The following FAM20B variants were observed in gnomAD, a reference collection of about 807,000 sequenced individuals.
The protein encoded by FAM20B is glycosaminoglycan xylosylkinase.
Under a neutral mutation model 43.8 loss-of-function variants are expected in FAM20B, and 23 were observed. The ratio of observed to expected loss-of-function variants is 0.53; its 90% CI spans 0.38 to 0.74. FAM20B has a LOEUF of 0.74. Among genes scored for constraint, FAM20B ranks in the 30% least tolerant of loss-of-function variants. The pLI is 0.00. For synonymous variants in FAM20B, 178 were observed against 192.4 expected (o/e 0.93, Z 0.62); for missense variants, 440 against 510.5 (o/e 0.86, Z 1.33).
At chr1:179,049,829 A>G (rs887903149) in intron 2 of FAM20B, among the ~76,000 whole-genome samples, 1 of 152,252 alleles carries the variant, frequency 6.6e-6, no homozygotes, top group Non-Finnish European at 1.5e-5. Context: ...GGTGTGAGCC[A>G]CCGTGCCTGG....
chr1:179,069,527 C>T (rs1199506547), intron 7 of FAM20B, among the ~76,000 whole-genome samples: 4 of 152,008 alleles, frequency 2.6e-5, no homozygotes, highest in Non-Finnish European at 4.4e-5. Context: ...CCTGCCACCA[C>T]GCCCAGCTAA....
At chr1:179,035,371 C>G in intron 1 of FAM20B, 1 of 702,450 alleles carries the variant, frequency 1.4e-6, no homozygotes, top group Non-Finnish European at 2.6e-6. Flanking sequence ...TAGGGGTGTT[C>G]GGTCCTCGTG....
In FAM20B at chr1:179,072,192, C is replaced by G; in HGVS notation, c.*48C>G. The G allele has an allele frequency of 7.1e-7, 1 of 1,415,328 alleles. No homozygotes were observed. Among genetic ancestry groups the G allele is most frequent in the Non-Finnish European group, 9.8e-7 (1 of 1,019,726 alleles). The allele number at this position is 1,415,328 out of a possible 1,614,324, so 87.7% of individuals were successfully genotyped here. Reference sequence around the variant, plus strand: ...ACTTCTTTTTACAAAGATAGAGAAACAGCACAATCAATTCCAAATGGTATG... The same window carrying G: ...ACTTCTTTTTACAAAGATAGAGAAAGAGCACAATCAATTCCAAATGGTATG... On this transcript the variant is annotated 3_prime_UTR_variant, in exon 8 of 8. Coordinates refer to ENST00000263733, the MANE Select transcript of FAM20B (RefSeq NM_014864.4).
chr1:179,046,693 C>T (rs1479560121), intron 2 of FAM20B, among the ~76,000 whole-genome samples: 1 of 150,830 alleles, frequency 6.6e-6, no homozygotes, highest in African/African-American at 2.4e-5. Context: ...GAGTTGTGAG[C>T]ATTTTGTGTT....
At position 179,043,727 on chromosome 1, in the gene FAM20B, G is replaced by C; in HGVS notation, c.-121G>C. On this transcript the variant is annotated 5_prime_UTR_variant, in exon 2 of 8. Coordinates refer to ENST00000263733, the MANE Select transcript of FAM20B (RefSeq NM_014864.4). The stretch of plus-strand genomic sequence containing the variant: ...CTTGGGCTTGCAGGAACTGTGGAAG[G>C]TGCATCAGTGAAGAAATGGACCAAT... The C allele has an allele frequency of 2.0e-6, 2 of 1,004,268 alleles. No individual in the cohort carries two copies. The highest frequency in any genetic ancestry group is 2.9e-6 in the Non-Finnish European group (2 of 683,904). The allele number at this position is 1,004,268 out of a possible 1,614,324, so 62.2% of individuals were successfully genotyped here.
chr1:179,019,425 A>T, the FAM20B span, among the ~76,000 whole-genome samples: 2 of 146,902 alleles, frequency 1.4e-5, no homozygotes, highest in Non-Finnish European at 3.0e-5. Flanking sequence ...ATTAAGTGAG[A>T]CCCTTTCTTT....
chr1:179,071,206 G>C (rs1432592958), intron 7 of FAM20B, among the ~76,000 whole-genome samples: 1 of 151,968 alleles, frequency 6.6e-6, no homozygotes, highest in Non-Finnish European at 1.5e-5. Flanking sequence ...TGAGGCAGGA[G>C]AATGGCGTGA....
chr1:179,035,855 C>T (rs753462631), intron 1 of FAM20B, among the ~76,000 whole-genome samples: 4 of 151,862 alleles, frequency 2.6e-5, no homozygotes, highest in African/African-American at 7.3e-5. Context: ...GCCGGCTGGG[C>T]GTGGTGGCTC....
At chr1:179,027,517 A>G (rs148246138) in intron 1 of FAM20B, among the ~76,000 whole-genome samples, 1 of 152,350 alleles carries the variant, frequency 6.6e-6, no homozygotes, top group Admixed American at 6.5e-5. Flanking sequence ...AAAGTTTGCA[A>G]AGATGTTGGA....
intron 1 of FAM20B, among the ~76,000 whole-genome samples, chr1:179,030,774 C>T (rs1004760654): frequency 6.6e-6 from 1 of 151,926 alleles, no homozygotes; most frequent in Non-Finnish European, 1.5e-5. Context: ...TATCAGATGC[C>T]TCTTACAGGC....
At chr1:179,038,269 G>A (rs572193071) in intron 1 of FAM20B, among the ~76,000 whole-genome samples, 1 of 152,234 alleles carries the variant, frequency 6.6e-6, no homozygotes, top group South Asian at 2.1e-4. Flanking sequence ...GCCTTAGCTG[G>A]GCGTGGTGGC....
At chr1:179,018,898 T>C in the FAM20B span, among the ~76,000 whole-genome samples, 1 of 152,160 alleles carries the variant, frequency 6.6e-6, no homozygotes, top group Non-Finnish European at 1.5e-5. Context: ...GGAAAGCTGG[T>C]CGTATAACCT....
rs569043237 is a variant in FAM20B at position 179,074,208 on chromosome 1, G to T, written c.*2064G>T. 8 of 152,774 alleles carry T rather than the reference G, an allele frequency of 5.2e-5. 1 individual carries two copies. The South Asian group carries it at 1.7e-3, about 32-fold the overall frequency. The allele number at this position is 152,774 out of a possible 1,614,324, so 9.5% of individuals were successfully genotyped here. On this transcript the variant is annotated 3_prime_UTR_variant, in exon 8 of 8. Transcript: ENST00000263733. ...CAATGGGCTGAGTTATAAAAAGCGTGTATTGAATTTAAGAAGACAGACTAG... is the reference window on the plus strand; with the variant it reads ...CAATGGGCTGAGTTATAAAAAGCGTTTATTGAATTTAAGAAGACAGACTAG...
At chr1:179,028,005 T>TA (rs1217545165) in intron 1 of FAM20B, among the ~76,000 whole-genome samples, 1 of 152,230 alleles carries the variant, frequency 6.6e-6, no homozygotes. Flanking sequence ...CACACAGCCT[T>TA]AAAGTTTCTG....
At chr1:179,046,519 G>A (rs1417686568) in intron 2 of FAM20B, among the ~76,000 whole-genome samples, 1 of 151,700 alleles carries the variant, frequency 6.6e-6, no homozygotes, top group Non-Finnish European at 1.5e-5. Context: ...GGGCGTTTTG[G>A]TATGTGCCTG....
chr1:179,062,192 A>G (rs1309387100), intron 4 of FAM20B, among the ~76,000 whole-genome samples: 1 of 152,040 alleles, frequency 6.6e-6, no homozygotes, highest in Admixed American at 6.5e-5. Flanking sequence ...GTGGTACTAA[A>G]ATGGTATTTA....
chr1:179,046,238 C>G (rs1472241130), intron 2 of FAM20B, among the ~76,000 whole-genome samples: 4 of 152,204 alleles, frequency 2.6e-5, no homozygotes, highest in Non-Finnish European at 5.9e-5. Flanking sequence ...ACGTGGAGCA[C>G]TCATCATCAA....
At chr1:179,023,318 C>A (rs1399166924), upstream of FAM20B, among the ~76,000 whole-genome samples, 1 of 152,164 alleles carries the variant, frequency 6.6e-6, no homozygotes, top group African/African-American at 2.4e-5. Flanking sequence ...GTATGAGGCA[C>A]TCTACAAGTG....
chr1:179,026,747 G>A (rs1220776007), intron 1 of FAM20B, among the ~76,000 whole-genome samples: 1 of 152,224 alleles, frequency 6.6e-6, no homozygotes, highest in Non-Finnish European at 1.5e-5. Context: ...TCATTTCCGG[G>A]TGTGACGGCC....
Sources: allele counts gnomAD v4.1 joint callset (sites outside exome capture counted in the v4.1 genomes callset), GRCh38; gene constraint gnomAD v4.1.1; transcripts MANE v1.5; gene names NCBI Gene and HGNC (gene_info 2026-07-23, HGNC 2026-07-21).